Variants in HSD17B3 observed in about 807,000 individuals in gnomAD.
The protein encoded by HSD17B3 is 17-beta-hydroxysteroid dehydrogenase type 3.
HSD17B3 carries 29 observed loss-of-function variants against 41.1 expected under a neutral mutation model. The observed-to-expected ratio is 0.71, with a 90% CI of 0.53 to 0.96. HSD17B3 has a LOEUF of 0.96. HSD17B3 is among the 40% of genes least tolerant of loss of function. The pLI is 0.00. For synonymous variants in HSD17B3, 126 were observed against 145.6 expected (o/e 0.87, Z 0.97); for missense variants, 323 against 374.6 (o/e 0.86, Z 1.14).
At chr9:96,293,647 G>T (rs1413423763) in intron 2 of HSD17B3, among the ~76,000 whole-genome samples, 6 of 149,152 alleles carry the variant, frequency 4.0e-5, no homozygotes, top group Non-Finnish European at 8.9e-5. Context: ...ATGTGTCTGT[G>T]TGTCTGTGTG....
chr9:96,263,279 T>C (rs1373384023), intron 2 of HSD17B3, among the ~76,000 whole-genome samples: 1 of 152,118 alleles, frequency 6.6e-6, no homozygotes, highest in Non-Finnish European at 1.5e-5. Context: ...CTCGCAAGCC[T>C]CACCTTAGTC....
chr9:96,265,438 T>C (rs1019652195), intron 2 of HSD17B3, among the ~76,000 whole-genome samples: 1 of 152,252 alleles, frequency 6.6e-6, no homozygotes, highest in African/African-American at 2.4e-5. Context: ...GAATGTGTAA[T>C]GTTGTTTGAT....
At chr9:96,283,884 T>C (rs1401348596) in intron 2 of HSD17B3, among the ~76,000 whole-genome samples, 2 of 152,058 alleles carry the variant, frequency 1.3e-5, no homozygotes, top group Non-Finnish European at 2.9e-5. Context: ...GAAATGTTCA[T>C]GAATATCAAG....
chr9:96,263,540 A>AC (rs1465577633), intron 2 of HSD17B3, among the ~76,000 whole-genome samples: 1 of 143,510 alleles, frequency 7.0e-6, no homozygotes, highest in African/African-American at 2.6e-5. Flanking sequence ...ACACAGTGAA[A>AC]CCCCGTCTCT....
intron 3 of HSD17B3, among the ~76,000 whole-genome samples, chr9:96,254,501 A>T (rs1210287129): frequency 2.0e-5 from 3 of 152,264 alleles, no homozygotes; most frequent in Admixed American, 6.5e-5. Flanking sequence ...GATCCATGAA[A>T]TAGTATAGTT....
At chr9:96,244,440 T>C (rs1436410393) in intron 8 of HSD17B3, 46 bp from the exon 9 acceptor site, 1 of 1,589,264 alleles carries the variant, frequency 6.3e-7, no homozygotes, top group Non-Finnish European at 8.6e-7. Context: ...GTGAGCTCCC[T>C]CGTCAGAGCC....
intron 8 of HSD17B3, among the ~76,000 whole-genome samples, chr9:96,245,026 C>A (rs1053441967): frequency 1.3e-5 from 2 of 152,064 alleles, no homozygotes; most frequent in Admixed American, 6.6e-5. Context: ...CATGGGGACA[C>A]CAGGCTAGAT....
chr9:96,242,347 A>G (rs1836490901), intron 9 of HSD17B3, among the ~76,000 whole-genome samples: 1 of 152,206 alleles, frequency 6.6e-6, no homozygotes, highest in African/African-American at 2.4e-5. Flanking sequence ...CTCAATAAAT[A>G]TTGTTTAAAC....
chr9:96,257,743 A>G (rs1424994284), intron 2 of HSD17B3, among the ~76,000 whole-genome samples: 1 of 152,190 alleles, frequency 6.6e-6, no homozygotes, highest in Non-Finnish European at 1.5e-5. Flanking sequence ...GCCCTTCTAC[A>G]TAGCTCTTAG....
intron 9 of HSD17B3, among the ~76,000 whole-genome samples, chr9:96,242,453 C>T (rs538615354): frequency 6.6e-6 from 1 of 152,284 alleles, no homozygotes; most frequent in South Asian, 2.1e-4. Flanking sequence ...CTGAGGCTCA[C>T]AGAGTTTAAA....
intron 10 of HSD17B3, among the ~76,000 whole-genome samples, chr9:96,238,350 C>T (rs554252494): frequency 2.6e-5 from 4 of 152,046 alleles, no homozygotes; most frequent in South Asian, 4.2e-4. Flanking sequence ...GCTGTGACAC[C>T]GAGAAAGTGC....
At chr9:96,263,575 A>C (rs911000305) in intron 2 of HSD17B3, among the ~76,000 whole-genome samples, 2 of 151,340 alleles carry the variant, frequency 1.3e-5, no homozygotes, top group Non-Finnish European at 1.5e-5. Context: ...AGAAAAAAAA[A>C]TCAAAAAGCC....
chr9:96,278,885 CAA>C (rs1039794362), intron 2 of HSD17B3, among the ~76,000 whole-genome samples: 8 of 152,182 alleles, frequency 5.3e-5, no homozygotes, highest in Non-Finnish European at 2.9e-5. Flanking sequence ...CAAGCTGGAT[CAA>C]AGAGTCAGGA....
At position 96,255,367 on chromosome 9, in the gene HSD17B3, C is replaced by CT. The variant is rs869145717; in HGVS notation, c.202-425dup. 7.5e-4 allele frequency among the ~76,000 whole-genome samples: 41 copies of CT among 54,566 alleles called. 4 individuals carry two copies. Among genetic ancestry groups the CT allele is most frequent in the Non-Finnish European group, 1.1e-3 (33 of 29,474 alleles). 35.8% of individuals were successfully genotyped at this position (54,566 alleles called of 152,430 possible). A position where few individuals can be genotyped will look rare whatever the true frequency, so the allele number is the denominator to read the frequency against. On this transcript the variant is annotated intron_variant, in intron 2 of 10. Transcript: ENST00000375263. ...AAGCAGTGTTTCTGCCCCAACATTTCTTTTTTTTTTTTTTTTTTTTTTTTT... is the reference window on the plus strand; with the variant it reads ...AAGCAGTGTTTCTGCCCCAACATTTCTTTTTTTTTTTTTTTTTTTTTTTTTT...
intron 2 of HSD17B3, among the ~76,000 whole-genome samples, chr9:96,260,065 C>G (rs1292550739): frequency 6.6e-6 from 1 of 152,206 alleles, no homozygotes; most frequent in Non-Finnish European, 1.5e-5. Context: ...AGAACACTTA[C>G]AGTGTTTCTC....
At chr9:96,236,409 C>T (rs1446556036) in intron 10 of HSD17B3, among the ~76,000 whole-genome samples, 1 of 151,632 alleles carries the variant, frequency 6.6e-6, no homozygotes. Flanking sequence ...CTCAGCTACT[C>T]GGGAGGCTGA....
At chr9:96,259,541 T>C (rs1587738536) in intron 2 of HSD17B3, among the ~76,000 whole-genome samples, 1 of 152,006 alleles carries the variant, frequency 6.6e-6, no homozygotes, top group East Asian at 1.9e-4. Context: ...ACCAACATGG[T>C]GAAAGCCTGT....
chr9:96,267,804 G>T (rs1826095186), intron 2 of HSD17B3, among the ~76,000 whole-genome samples: 1 of 152,110 alleles, frequency 6.6e-6, no homozygotes. Flanking sequence ...AGTGACAGGA[G>T]ATCCAGAAAA....
chr9:96,272,150 C>G (rs1826266676), intron 2 of HSD17B3, among the ~76,000 whole-genome samples: 1 of 151,396 alleles, frequency 6.6e-6, no homozygotes, highest in Non-Finnish European at 1.5e-5. Flanking sequence ...AGGTGGATCA[C>G]CTGAGGTCAG....
Sources: allele counts gnomAD v4.1 joint callset (sites outside exome capture counted in the v4.1 genomes callset), GRCh38; gene constraint gnomAD v4.1.1; transcripts MANE v1.5; gene names NCBI Gene and HGNC (gene_info 2026-07-23, HGNC 2026-07-21).